The following AIG1 variants were observed in gnomAD, a reference collection of about 807,000 sequenced individuals.
AIG1 encodes the protein androgen-induced gene 1 protein.
In AIG1, 23 loss-of-function variants were observed where a neutral mutation model predicts 31.4. That is an observed-to-expected ratio of 0.73 (90% CI 0.53 to 1.04). The LOEUF is 1.04. Among genes scored for constraint, AIG1 ranks in the 50% least tolerant of loss-of-function variants. The probability of loss-of-function intolerance (pLI) is 0.00; values close to 1 mark genes in which losing one functional copy is unlikely to be tolerated. For synonymous variants in AIG1, 100 were observed against 110.5 expected, an observed-to-expected ratio of 0.90 and a Z score of 0.60; for missense variants, 274 against 295.0, an observed-to-expected ratio of 0.93 and a Z score of 0.52.
rs1271064739 is a variant in AIG1, at chr6:143,297,185, G to A, written c.515+12960G>A. On this transcript the variant is annotated intron_variant, in intron 4 of 5. Coordinates refer to ENST00000357847, the MANE Select transcript of AIG1 (RefSeq NM_016108.4). This position sits in a 1 kb window ranked among gnomAD's most constrained non-coding sequence, Gnocchi z 5.1. ...GGAAATGACATGTAAGCTGCCTCTTGGAGGGTGAATAAGAGTTAGCTTTGT... is the reference window on the plus strand; with the variant it reads ...GGAAATGACATGTAAGCTGCCTCTTAGAGGGTGAATAAGAGTTAGCTTTGT... Among the ~76,000 whole-genome samples the A allele has an allele frequency of 2.0e-5, 3 of 152,184 alleles. No individual in the cohort carries two copies. Among genetic ancestry groups the A allele is most frequent in the African/African-American group, 7.2e-5 (3 of 41,440 alleles).
chr6:143,067,847 A>T (rs1227935626), intron 1 of AIG1, among the ~76,000 whole-genome samples: 1 of 152,068 alleles, frequency 6.6e-6, no homozygotes, highest in African/African-American at 2.4e-5. Flanking sequence ...TTATACAGAG[A>T]GTGTAAAATT....
intron 4 of AIG1, among the ~76,000 whole-genome samples, chr6:143,303,100 A>T (rs989850172): frequency 2.6e-5 from 4 of 151,836 alleles, no homozygotes; most frequent in Non-Finnish European, 5.9e-5. Flanking sequence ...AATTTGTTTG[A>T]GTTCATTGTA....
chr6:143,117,813 C>T (rs1562393139), intron 1 of AIG1, among the ~76,000 whole-genome samples: 1 of 152,092 alleles, frequency 6.6e-6, no homozygotes, highest in Non-Finnish European at 1.5e-5. Flanking sequence ...AACTATTATG[C>T]ACTTCTGGGA....
At chr6:143,199,722 A>G (rs996559323) in intron 3 of AIG1, among the ~76,000 whole-genome samples, 2 of 152,186 alleles carry the variant, frequency 1.3e-5, no homozygotes, top group African/African-American at 4.8e-5. Context: ...TCATCCAGTG[A>G]TAGAAGGGAT....
At chr6:143,305,379 T>C (rs929386937) in intron 4 of AIG1, among the ~76,000 whole-genome samples, 4 of 152,222 alleles carry the variant, frequency 2.6e-5, no homozygotes, top group Admixed American at 1.3e-4. Flanking sequence ...TAAATTTCCC[T>C]CTACACACTG....
At chr6:143,337,453 G>C (rs2128726403) in intron 5 of AIG1, among the ~76,000 whole-genome samples, 1 of 152,208 alleles carries the variant, frequency 6.6e-6, no homozygotes, top group Admixed American at 6.5e-5. Context: ...GAGGTACTGA[G>C]AGTTAAGCAC....
At chr6:143,323,710 C>CCA (rs933813996) in intron 4 of AIG1, among the ~76,000 whole-genome samples, 2 of 152,068 alleles carry the variant, frequency 1.3e-5, no homozygotes, top group Non-Finnish European at 2.9e-5. Context: ...TGGCAGACCC[C>CCA]CACACACACT....
At chr6:143,224,588 T>C (rs184175020) in intron 3 of AIG1, among the ~76,000 whole-genome samples, 3 of 152,312 alleles carry the variant, frequency 2.0e-5, no homozygotes, top group Non-Finnish European at 4.4e-5. Flanking sequence ...TTGTTAATAA[T>C]TATTCCATGA....
chr6:143,191,355 G>T (rs1789772836), intron 3 of AIG1, among the ~76,000 whole-genome samples: 2 of 152,104 alleles, frequency 1.3e-5, no homozygotes, highest in South Asian at 4.2e-4. Flanking sequence ...TTTAAAATAT[G>T]GAGTTAAATG....
chr6:143,215,503 T>C (rs1791961494), intron 3 of AIG1, among the ~76,000 whole-genome samples: 1 of 152,134 alleles, frequency 6.6e-6, no homozygotes, highest in African/African-American at 2.4e-5. Flanking sequence ...GCAAATAAAA[T>C]AGAAGTGGAA....
intron 2 of AIG1, among the ~76,000 whole-genome samples, chr6:143,145,408 T>G (rs757162993): frequency 6.6e-6 from 1 of 152,200 alleles, no homozygotes; most frequent in Non-Finnish European, 1.5e-5. Flanking sequence ...AGTTGCCACC[T>G]AAATCCTAAA....
intron 2 of AIG1, among the ~76,000 whole-genome samples, chr6:143,157,470 C>T (rs1785902270): frequency 1.4e-5 from 2 of 145,176 alleles, no homozygotes; most frequent in Non-Finnish European, 3.0e-5. Context: ...TTTTGTGGCT[C>T]CTAGTGATTT....
At chr6:143,173,466 A>T (rs1787839389) in intron 3 of AIG1, among the ~76,000 whole-genome samples, 1 of 152,128 alleles carries the variant, frequency 6.6e-6, no homozygotes, top group African/African-American at 2.4e-5. Context: ...GTTCCTAGAG[A>T]TGTGACCTTA....
At chr6:143,171,905 T>C (rs969614876) in intron 3 of AIG1, among the ~76,000 whole-genome samples, 5 of 152,146 alleles carry the variant, frequency 3.3e-5, no homozygotes, top group Admixed American at 6.5e-5. Flanking sequence ...GCATTGTGGT[T>C]TTGATTTGCA....
At chr6:143,115,550 T>G (rs919043199) in intron 1 of AIG1, among the ~76,000 whole-genome samples, 3 of 152,226 alleles carry the variant, frequency 2.0e-5, no homozygotes, top group Non-Finnish European at 4.4e-5. Flanking sequence ...AGCCTGTTTC[T>G]TATATTGACT....
chr6:143,164,435 C>T (rs1786722883), intron 2 of AIG1, among the ~76,000 whole-genome samples: 1 of 152,134 alleles, frequency 6.6e-6, no homozygotes, highest in Admixed American at 6.6e-5. Context: ...CAAAACAAAC[C>T]TTTGGAACCT....
intron 3 of AIG1, among the ~76,000 whole-genome samples, chr6:143,272,057 G>A (rs1027230947): frequency 3.3e-5 from 5 of 151,858 alleles, no homozygotes; most frequent in Admixed American, 1.3e-4. Flanking sequence ...CTTCCCTTAC[G>A]GTAATTATAG....
intron 3 of AIG1, among the ~76,000 whole-genome samples, chr6:143,257,832 A>G (rs1795473645): frequency 6.6e-6 from 1 of 152,184 alleles, no homozygotes; most frequent in African/African-American, 2.4e-5. Flanking sequence ...CATGAGTTCT[A>G]ATTCTCACTT....
At chr6:143,105,350 C>A (rs1780706893) in intron 1 of AIG1, among the ~76,000 whole-genome samples, 1 of 152,184 alleles carries the variant, frequency 6.6e-6, no homozygotes, top group Non-Finnish European at 1.5e-5. Flanking sequence ...TGCTGAGGAA[C>A]CCATGAGAGT....
Sources: gnomAD v4.1 joint callset for allele counts (sites outside exome capture counted in the v4.1 genomes callset) on GRCh38, gnomAD v4.1.1 for gene constraint, Gnocchi (gnomAD v3.1) non-coding constraint, MANE v1.5 for transcripts, NCBI Gene and HGNC (gene_info 2026-07-23, HGNC 2026-07-21) for gene names.